FAM216A: variants seen among roughly 807,000 people sequenced by gnomAD.
The protein encoded by FAM216A is family with sequence similarity 216 member A.
In FAM216A, 26 loss-of-function variants were observed where a neutral mutation model predicts 37.6. That is an observed-to-expected ratio of 0.69 (90% CI 0.51 to 0.96). FAM216A has a LOEUF of 0.96. Ranked by LOEUF, FAM216A falls within the 40% of genes least tolerant of loss-of-function variation. FAM216A has a pLI of 0.00. For missense variants in FAM216A, 326 were observed against 339.3 expected (o/e 0.96, Z 0.31); for synonymous variants, 110 against 121.7 (o/e 0.90, Z 0.64).
intron 6 of FAM216A, among the ~76,000 whole-genome samples, chr12:110,488,410 CAAA>C (rs572459416): frequency 1.6e-4 from 8 of 51,004 alleles, no homozygotes; most frequent in Non-Finnish European, 3.3e-4. Context: ...GACTCCATCT[CAAA>C]AAAAAAAAAA....
intron 2 of FAM216A, among the ~76,000 whole-genome samples, chr12:110,480,916 T>G (rs73191818): frequency 0.14 from 20,792 of 152,128 alleles, 2,068 homozygotes; most frequent in African/African-American, 0.28. Flanking sequence ...AAAAAACCAC[T>G]AATTCCCTAT....
At chr12:110,487,990 TA>T (rs755151329) in intron 6 of FAM216A, 47 bp downstream of exon 6, 1 of 1,029,058 alleles carries the variant, frequency 9.7e-7, no homozygotes, top group South Asian at 1.3e-5. Context: ...ATCTTATGCT[TA>T]AAAATACTAT....
In FAM216A at chr12:110,473,137, G is replaced by A; in HGVS notation, c.184+19G>A. 1 of 1,448,844 alleles carries A rather than the reference G, an allele frequency of 6.9e-7. No homozygotes were observed. The allele number at this position is 1,448,844 out of a possible 1,614,324, so 89.7% of individuals were successfully genotyped here. On this transcript the variant is annotated intron_variant, in intron 2 of 6. Transcript: ENST00000377673. ...GGTTCTGGTGAGTAGTGCATATAAA[G>A]CAGATAATACTTATAAGTAACATGG... is the stretch of plus-strand genomic sequence containing the variant.
intron 2 of FAM216A, among the ~76,000 whole-genome samples, chr12:110,474,545 A>G (rs1405724385): frequency 2.0e-5 from 3 of 151,414 alleles, no homozygotes; most frequent in Non-Finnish European, 4.4e-5. Context: ...CAAAAAAATT[A>G]GCCAGGTGTG....
intron 6 of FAM216A, among the ~76,000 whole-genome samples, chr12:110,488,930 TAAG>T (rs987410763): frequency 2.0e-5 from 3 of 152,192 alleles, no homozygotes; most frequent in Non-Finnish European, 4.4e-5. Context: ...AGACTGTGGA[TAAG>T]GAGGGACTTC....
chr12:110,475,194 A>C (rs1384671212), intron 2 of FAM216A, among the ~76,000 whole-genome samples: 1 of 152,198 alleles, frequency 6.6e-6, no homozygotes, highest in East Asian at 1.9e-4. Context: ...TCATTCTATT[A>C]TTTAAAATAA....
Sources: allele counts gnomAD v4.1 joint callset (sites outside exome capture counted in the v4.1 genomes callset), GRCh38; gene constraint gnomAD v4.1.1; transcripts MANE v1.5; gene names NCBI Gene and HGNC (gene_info 2026-07-23, HGNC 2026-07-21).